ZNRF3: variants seen among roughly 807,000 people sequenced by gnomAD.
The protein encoded by ZNRF3 is E3 ubiquitin-protein ligase ZNRF3.
ZNRF3 carries 23 observed loss-of-function variants against 72.5 expected under a neutral mutation model. The observed-to-expected ratio is 0.32, with a 90% CI of 0.23 to 0.45. ZNRF3 has a LOEUF of 0.45. Among genes scored for constraint, ZNRF3 ranks in the 20% least tolerant of loss-of-function variants. ZNRF3 has a pLI of 1.00. For missense variants in ZNRF3, 1,169 were observed against 1,272.1 expected (o/e 0.92, Z 1.23); for synonymous variants, 610 against 545.3 (o/e 1.12, Z -1.65).
chr22:28,988,317 T>C (rs1280231226), intron 2 of ZNRF3, among the ~76,000 whole-genome samples: 1 of 152,098 alleles, frequency 6.6e-6, no homozygotes, highest in Non-Finnish European at 1.5e-5. Context: ...TCTTGAGAAA[T>C]CCAGGAGAGA....
chr22:28,967,429 A>AC (rs2035489900), intron 1 of ZNRF3, among the ~76,000 whole-genome samples: 1 of 152,116 alleles, frequency 6.6e-6, no homozygotes, highest in East Asian at 1.9e-4. Context: ...TCAGAACATG[A>AC]CCCCTGTCAT....
At chr22:28,908,212 A>T (rs469990) in intron 1 of ZNRF3, among the ~76,000 whole-genome samples, 93,696 of 152,116 alleles carry the variant, frequency 0.62, 29,873 homozygotes, top group Admixed American at 0.7. Context: ...GCAGCATGCA[A>T]TGGAAATTGG....
chr22:28,911,692 T>G (rs377399645), intron 1 of ZNRF3, among the ~76,000 whole-genome samples: 2 of 2,158 alleles, frequency 9.3e-4, no homozygotes, highest in African/African-American at 9.9e-4. Flanking sequence ...TTTCTGAGAG[T>G]TTTTTTTTAT....
At chr22:28,897,510 A>G (rs765984276) in intron 1 of ZNRF3, among the ~76,000 whole-genome samples, 6 of 152,166 alleles carry the variant, frequency 3.9e-5, no homozygotes, top group Non-Finnish European at 7.4e-5. Context: ...TAGTAGAGAC[A>G]TGGTTTCACC....
At chr22:28,987,018 T>G (rs1424378211) in intron 1 of ZNRF3, 58 bp from the exon 2 acceptor site, 2 of 1,571,222 alleles carry the variant, frequency 1.3e-6, no homozygotes, top group African/African-American at 2.7e-5. Context: ...ATACACAATA[T>G]GAGTCAAGCA....
rs527634603 is a variant in ZNRF3, at chr22:29,022,675, A to G, written c.427-19820A>G. Among the ~76,000 whole-genome samples, 18 of 152,346 alleles carry G rather than the reference A, an allele frequency of 1.2e-4. No individual in the cohort carries two copies. In the South Asian group the frequency reaches 3.7e-3, roughly 32 times the overall value. Reference sequence around the variant, plus strand: ...TACGCAGATGTCCTAATCCTTTTAGAAGCAATCTCAGTAGGTTGGAGAATT... The same window carrying G: ...TACGCAGATGTCCTAATCCTTTTAGGAGCAATCTCAGTAGGTTGGAGAATT... On this transcript the variant is annotated intron_variant, in intron 2 of 8. Transcript: ENST00000544604.
At chr22:28,958,141 T>C (rs568895611) in intron 1 of ZNRF3, among the ~76,000 whole-genome samples, 1 of 152,296 alleles carries the variant, frequency 6.6e-6, no homozygotes, top group South Asian at 2.1e-4. Flanking sequence ...TGAGCTGAGA[T>C]TGCGCCACTG....
At chr22:28,958,015 G>A (rs1022637543) in intron 1 of ZNRF3, among the ~76,000 whole-genome samples, 1 of 151,890 alleles carries the variant, frequency 6.6e-6, no homozygotes, top group African/African-American at 2.4e-5. Flanking sequence ...GTGAAACCCC[G>A]TCTCTACTAA....
intron 1 of ZNRF3, among the ~76,000 whole-genome samples, chr22:28,918,521 T>C (rs968099650): frequency 2.1e-5 from 3 of 142,800 alleles, no homozygotes; most frequent in African/African-American, 7.9e-5. Context: ...TGTGTGTATG[T>C]GTATCTGCAT....
intron 1 of ZNRF3, among the ~76,000 whole-genome samples, chr22:28,972,723 A>G (rs1455634095): frequency 6.6e-6 from 1 of 152,222 alleles, no homozygotes; most frequent in African/African-American, 2.4e-5. Context: ...CTGCGTTGCC[A>G]TCAGCAGTGT....
intron 1 of ZNRF3, among the ~76,000 whole-genome samples, chr22:28,968,689 A>G (rs866351621): frequency 6.6e-6 from 1 of 152,238 alleles, no homozygotes; most frequent in Non-Finnish European, 1.5e-5. Context: ...AGCCTGGGCG[A>G]TAAGAGTGAA....
At chr22:28,989,418 A>G (rs192266565) in intron 2 of ZNRF3, among the ~76,000 whole-genome samples, 1 of 152,100 alleles carries the variant, frequency 6.6e-6, no homozygotes, top group East Asian at 1.9e-4. Flanking sequence ...GGTTGTTCTC[A>G]GTCTCAATTT....
intron 1 of ZNRF3, among the ~76,000 whole-genome samples, chr22:28,906,324 A>G (rs765600251): frequency 6.6e-6 from 1 of 152,212 alleles, no homozygotes; most frequent in African/African-American, 2.4e-5. Flanking sequence ...TCTGTCTCCA[A>G]AACAAAACAG....
chr22:28,923,237 T>G (rs2034539810), intron 1 of ZNRF3, among the ~76,000 whole-genome samples: 1 of 152,130 alleles, frequency 6.6e-6, no homozygotes, highest in African/African-American at 2.4e-5. Flanking sequence ...TCATGGGTAT[T>G]TTTCTGGAGA....
At chr22:28,948,550 A>G (rs2035095345) in intron 1 of ZNRF3, among the ~76,000 whole-genome samples, 1 of 152,246 alleles carries the variant, frequency 6.6e-6, no homozygotes, top group Non-Finnish European at 1.5e-5. Context: ...TGCCTGGCTT[A>G]GTAAGACAGT....
chr22:28,883,641 G>T lies in ZNRF3; in HGVS notation c.-126G>T. ...GCCGGGGGAGCCGAGCTGAGCCTGC[G>T]ACCCACAAAGCCGCCGCCGCCGCCG... On this transcript the variant is annotated 5_prime_UTR_variant, in exon 1 of 9. Transcript: ENST00000544604. The surrounding 1 kb of genome is among the most constrained non-coding windows in gnomAD (Gnocchi z 5.5). 1.1e-6 allele frequency: 1 copy of T among 925,512 alleles called. No individual in the cohort carries two copies. Among genetic ancestry groups the T allele is most frequent in the South Asian group, 4.8e-5 (1 of 20,678 alleles). 57.3% of individuals were successfully genotyped at this position (925,512 alleles called of 1,614,324 possible).
chr22:28,920,972 G>C (rs2123768784), intron 1 of ZNRF3, among the ~76,000 whole-genome samples: 1 of 152,364 alleles, frequency 6.6e-6, no homozygotes, highest in Non-Finnish European at 1.5e-5. Context: ...CCAGGGCCAG[G>C]CTGGCAGGTT....
intron 2 of ZNRF3, among the ~76,000 whole-genome samples, chr22:29,007,417 G>A (rs909695502): frequency 1.3e-5 from 2 of 152,064 alleles, no homozygotes; most frequent in African/African-American, 2.4e-5. Flanking sequence ...CAGGGGAATC[G>A]CTTAAGGCCA....
intron 2 of ZNRF3, among the ~76,000 whole-genome samples, chr22:29,010,145 G>A (rs139111346): frequency 0.019 from 2,820 of 151,908 alleles, 85 homozygotes; most frequent in African/African-American, 0.065. Flanking sequence ...TCCTGACCTC[G>A]TGATCCACCC....
Sources: allele counts gnomAD v4.1 joint callset (sites outside exome capture counted in the v4.1 genomes callset), GRCh38; gene constraint gnomAD v4.1.1; non-coding constraint Gnocchi (gnomAD v3.1); transcripts MANE v1.5; gene names NCBI Gene and HGNC (gene_info 2026-07-23, HGNC 2026-07-21).